The following GAB1 variants were observed in gnomAD, a reference collection of about 807,000 sequenced individuals.
The protein encoded by GAB1 is GRB2 associated binding protein 1.
Under a neutral mutation model 66.5 loss-of-function variants are expected in GAB1, and 19 were observed. The ratio of observed to expected loss-of-function variants is 0.29; its 90% confidence interval spans 0.20 to 0.42. The LOEUF (loss-of-function observed/expected upper bound fraction) is 0.42, where lower values mean the gene tolerates loss of function less well. Ranked by LOEUF, GAB1 falls within the 10% of genes least tolerant of loss-of-function variation. The probability of loss-of-function intolerance (pLI) is 1.00; values close to 1 mark genes in which losing one functional copy is unlikely to be tolerated. For missense variants in GAB1, 732 were observed against 858.5 expected (o/e 0.85, Z 1.84); for synonymous variants, 294 against 301.4 (o/e 0.98, Z 0.25).
intron 1 of GAB1, chr4:143,395,826 G>A (rs1731422533): frequency 2.2e-6 from 1 of 452,464 alleles, no homozygotes; most frequent in Admixed American, 2.4e-5. Context: ...GGACTTGGGG[G>A]TAACAAAATG....
chr4:143,449,183 A>G (rs1012112403), intron 6 of GAB1, among the ~76,000 whole-genome samples: 32 of 149,188 alleles, frequency 2.1e-4, no homozygotes, highest in African/African-American at 8.1e-4. Context: ...GTTCTTTTAC[A>G]TTTGCTGAGG....
rs1732104962 is a variant in GAB1, at chr4:143,407,379, C to T, written c.73-8098C>T. The stretch of plus-strand genomic sequence containing the variant: ...ATTATATGCACTATTACTGAGAATT[C>T]AAAATTCCTGAACTCTTTCCCTAGC... On this transcript the variant is annotated intron_variant, in intron 1 of 9. Coordinates refer to ENST00000262994, the MANE Select transcript of GAB1 (RefSeq NM_002039.4). Among the ~76,000 whole-genome samples the T allele has an allele frequency of 3.3e-5, 5 of 151,352 alleles. No individual in the cohort carries two copies. The South Asian group carries it at 1.0e-3, about 32-fold the overall frequency.
rs1206316652 is a variant in GAB1 at position 143,466,155 on chromosome 4, C to T, written c.1856C>T (p.Pro619Leu). The T allele has an allele frequency of 6.2e-7, 1 of 1,613,652 alleles. No individual in the cohort carries two copies. The highest frequency in any genetic ancestry group is 1.7e-5 in the Admixed American group (1 of 59,998). The change falls in exon 9 of 10, where the codon CCC becomes CTC. Residue 619 changes from proline (P) to leucine (L), a missense_variant. Coordinates refer to ENST00000262994, the MANE Select transcript of GAB1 (RefSeq NM_002039.4). ...LDGGSSPMIK[P>L]KGDKQVEYLD... ...GGAGGAAGCAGCCCTATGATCAAGC[C>T]CAAAGGAGACAAACAGGTGGAATAC... is the stretch of plus-strand genomic sequence containing the variant.
At chr4:143,361,652 A>T (rs1355492764) in intron 1 of GAB1, among the ~76,000 whole-genome samples, 3 of 152,174 alleles carry the variant, frequency 2.0e-5, no homozygotes, top group Non-Finnish European at 4.4e-5. Flanking sequence ...GCACATGATC[A>T]TAGGCCCTGC....
chr4:143,388,850 C>A (rs750681256), intron 1 of GAB1, among the ~76,000 whole-genome samples: 1 of 152,170 alleles, frequency 6.6e-6, no homozygotes, highest in Non-Finnish European at 1.5e-5. Context: ...TATTTAAATA[C>A]ATTCATATTT....
chr4:143,369,402 C>CT (rs1038480107), intron 1 of GAB1, among the ~76,000 whole-genome samples: 5 of 152,136 alleles, frequency 3.3e-5, no homozygotes, highest in Admixed American at 6.5e-5. Context: ...TTACCAAGCA[C>CT]TTTAATTCAT....
chr4:143,432,686 A>G (rs1331408255), intron 2 of GAB1, among the ~76,000 whole-genome samples: 2 of 152,106 alleles, frequency 1.3e-5, no homozygotes, highest in African/African-American at 4.8e-5. Flanking sequence ...GACTAACAGC[A>G]TTTTTTCTGA....
At chr4:143,432,248 C>G (rs764973204) in intron 2 of GAB1, among the ~76,000 whole-genome samples, 6 of 152,174 alleles carry the variant, frequency 3.9e-5, no homozygotes, top group Admixed American at 6.5e-5. Flanking sequence ...ATAATTCCCT[C>G]TAACCTCAGA....
intron 6 of GAB1, among the ~76,000 whole-genome samples, chr4:143,451,111 A>G (rs915854423): frequency 1.3e-5 from 2 of 152,180 alleles, no homozygotes; most frequent in Non-Finnish European, 2.9e-5. Flanking sequence ...AGAAGTAAAC[A>G]CATTATCATA....
intron 1 of GAB1, among the ~76,000 whole-genome samples, chr4:143,354,443 A>G (rs1423499674): frequency 6.6e-6 from 1 of 152,140 alleles, no homozygotes; most frequent in Non-Finnish European, 1.5e-5. Context: ...CAAATGCAAC[A>G]TTGAGAAATC....
intron 1 of GAB1, among the ~76,000 whole-genome samples, chr4:143,345,968 T>A (rs1438082799): frequency 1.3e-5 from 2 of 152,204 alleles, no homozygotes; most frequent in Admixed American, 1.3e-4. Context: ...CCCCAAGTGA[T>A]CTCTTGCCTC....
chr4:143,435,320 C>T (rs753254560), intron 3 of GAB1, among the ~76,000 whole-genome samples: 1 of 152,134 alleles, frequency 6.6e-6, no homozygotes, highest in Non-Finnish European at 1.5e-5. Flanking sequence ...TTGTTAATAT[C>T]AAATTCTAAC....
intron 1 of GAB1, among the ~76,000 whole-genome samples, chr4:143,385,127 T>C (rs1730840663): frequency 6.6e-6 from 1 of 152,202 alleles, no homozygotes; most frequent in African/African-American, 2.4e-5. Flanking sequence ...AGTATCACTT[T>C]GGGCATATTT....
At chr4:143,353,213 T>G (rs1490923606) in intron 1 of GAB1, among the ~76,000 whole-genome samples, 1 of 152,208 alleles carries the variant, frequency 6.6e-6, no homozygotes, top group Admixed American at 6.5e-5. Context: ...TTTCCTGGAA[T>G]AGTTCTCATT....
At chr4:143,456,456 CAA>C (rs5862641) in intron 6 of GAB1, among the ~76,000 whole-genome samples, 6 of 139,834 alleles carry the variant, frequency 4.3e-5, no homozygotes, top group Non-Finnish European at 6.2e-5. Flanking sequence ...GACTCCGTCT[CAA>C]AAAAAAAAAA....
At chr4:143,363,060 A>G (rs1729727732) in intron 1 of GAB1, among the ~76,000 whole-genome samples, 1 of 152,186 alleles carries the variant, frequency 6.6e-6, no homozygotes, top group South Asian at 2.1e-4. Context: ...GCTCAGAGTA[A>G]CTTCCCAAAA....
At position 143,469,507 on chromosome 4, in the gene GAB1, A is replaced by G. The variant is rs1322083909; in HGVS notation, c.*318A>G. On this transcript the variant is annotated 3_prime_UTR_variant, in exon 10 of 10. Coordinates refer to ENST00000262994, the MANE Select transcript of GAB1 (RefSeq NM_002039.4). ...TAAAACATTGTTCTGGGTTTTCCCA[A>G]TGTACCTTACCATAATTCCTTTGGG... 1.4e-5 allele frequency: 3 copies of G among 218,212 alleles called. No individual in the cohort carries two copies. The highest frequency in any genetic ancestry group is 9.9e-5 in the South Asian group (1 of 10,110). 13.5% of individuals were successfully genotyped at this position (218,212 alleles called of 1,614,324 possible).
At chr4:143,436,423 A>G (rs1189740476) in intron 3 of GAB1, among the ~76,000 whole-genome samples, 2 of 152,212 alleles carry the variant, frequency 1.3e-5, no homozygotes, top group African/African-American at 4.8e-5. Context: ...CATGAGTGGT[A>G]TAACAACTGT....
rs1047322938 is a variant in GAB1 at position 143,471,015 on chromosome 4, A to G, written c.*1826A>G. On this transcript the variant is annotated 3_prime_UTR_variant, in exon 10 of 10. Coordinates refer to ENST00000262994, the MANE Select transcript of GAB1 (RefSeq NM_002039.4). ...AGCTGTTTTATAATGAAACAACAAAATGAAATCTAAAATCCTGAAATGTGC... is the reference window on the plus strand; with the variant it reads ...AGCTGTTTTATAATGAAACAACAAAGTGAAATCTAAAATCCTGAAATGTGC... The G allele has an allele frequency of 3.3e-5, 5 of 152,250 alleles. No individual in the cohort carries two copies. The highest frequency in any genetic ancestry group is 1.2e-4 in the African/African-American group (5 of 41,468). 9.4% of individuals were successfully genotyped at this position (152,250 alleles called of 1,614,324 possible).
Sources: gnomAD v4.1 joint callset for allele counts (sites outside exome capture counted in the v4.1 genomes callset) on GRCh38, gnomAD v4.1.1 for gene constraint, MANE v1.5 for transcripts, NCBI Gene and HGNC (gene_info 2026-07-23, HGNC 2026-07-21) for gene names.